Variants in TTC39B observed in about 807,000 individuals in gnomAD.
The protein encoded by TTC39B is tetratricopeptide repeat protein 39B.
TTC39B carries 92 observed loss-of-function variants against 96.6 expected under a neutral mutation model. That is an observed-to-expected ratio of 0.95 (90% CI 0.80 to 1.13). The LOEUF (loss-of-function observed/expected upper bound fraction) is 1.13. Among genes scored for constraint, TTC39B ranks in the 50% most tolerant of loss-of-function variants. The pLI, the probability that TTC39B is intolerant of heterozygous loss-of-function variation, is 0.00. For missense variants in TTC39B, 955 were observed against 809.3 expected, an observed-to-expected ratio of 1.18 and a Z score of -2.18; for synonymous variants, 367 against 299.4, an observed-to-expected ratio of 1.23 and a Z score of -2.33.
chr9:15,222,035 A>G (rs1447396214), intron 3 of TTC39B, among the ~76,000 whole-genome samples: 1 of 152,248 alleles, frequency 6.6e-6, no homozygotes. Context: ...GAAGCAAGAA[A>G]GAGTAACGTA....
At chr9:15,293,328 A>G (rs1824257119) in intron 1 of TTC39B, among the ~76,000 whole-genome samples, 1 of 152,170 alleles carries the variant, frequency 6.6e-6, no homozygotes, top group Non-Finnish European at 1.5e-5. Flanking sequence ...TTTCTCAGAG[A>G]GCATATACTC....
chr9:15,217,889 C>A (rs745795766), intron 3 of TTC39B, among the ~76,000 whole-genome samples: 5 of 152,066 alleles, frequency 3.3e-5, no homozygotes, highest in Non-Finnish European at 5.9e-5. Flanking sequence ...CCAACCAGAC[C>A]GGAATGATGA....
At chr9:15,248,226 T>C (rs1167402186) in intron 2 of TTC39B, among the ~76,000 whole-genome samples, 1 of 152,180 alleles carries the variant, frequency 6.6e-6, no homozygotes, top group African/African-American at 2.4e-5. Flanking sequence ...ACTAAGACTA[T>C]GAGCTCCTCC....
chr9:15,196,818 T>C (rs1015034055), intron 8 of TTC39B, among the ~76,000 whole-genome samples: 6 of 152,218 alleles, frequency 3.9e-5, no homozygotes, highest in Non-Finnish European at 7.3e-5. Flanking sequence ...TCAAGTGGTA[T>C]TGCATGCTAT....
At chr9:15,227,026 A>C (rs185953623) in intron 2 of TTC39B, among the ~76,000 whole-genome samples, 1 of 152,072 alleles carries the variant, frequency 6.6e-6, no homozygotes. Context: ...TAAGATGTAC[A>C]ATGGGTGCAG....
At chr9:15,230,873 T>C (rs1821382961) in intron 2 of TTC39B, among the ~76,000 whole-genome samples, 1 of 152,008 alleles carries the variant, frequency 6.6e-6, no homozygotes, top group Non-Finnish European at 1.5e-5. Flanking sequence ...TAATTCCAGC[T>C]ACTCGGGAGG....
At chr9:15,199,029 C>G (rs113327854) in intron 8 of TTC39B, among the ~76,000 whole-genome samples, 4 of 152,234 alleles carry the variant, frequency 2.6e-5, no homozygotes, top group African/African-American at 7.2e-5. Context: ...AGCCTAACAA[C>G]AGAGCTCCTA....
chr9:15,273,354 T>G (rs1259011924), intron 1 of TTC39B, among the ~76,000 whole-genome samples: 1 of 152,116 alleles, frequency 6.6e-6, no homozygotes, highest in Non-Finnish European at 1.5e-5. Context: ...GTGACAAATA[T>G]TACTGCAAGA....
intron 8 of TTC39B, among the ~76,000 whole-genome samples, chr9:15,198,431 T>A (rs544020653): frequency 6.7e-6 from 1 of 148,656 alleles, no homozygotes. Context: ...CACTCCAGCC[T>A]GGGCAACAAA....
At chr9:15,237,239 C>T (rs182034835) in intron 2 of TTC39B, among the ~76,000 whole-genome samples, 14 of 152,196 alleles carry the variant, frequency 9.2e-5, no homozygotes, top group East Asian at 3.9e-4. Context: ...TACTTGAACC[C>T]GGGAGGCGGA....
Position 15,173,676 on chromosome 9 carries a change from A to C in TTC39B, c.1958+1343T>G, listed in dbSNP as rs151260942. On this transcript the variant is annotated intron_variant, in intron 19 of 19. Transcript: ENST00000512701. ...TTGTGCTAGACCTCTTTCTCTAGCT[A>C]TATAACATTCACAAAATGACTTCAT... 3.2e-3 allele frequency among the ~76,000 whole-genome samples: 486 copies of C among 152,282 alleles called. 2 individuals carry two copies. Among genetic ancestry groups the C allele is most frequent in the Non-Finnish European group, 4.3e-3 (294 of 68,018 alleles).
intron 15 of TTC39B, among the ~76,000 whole-genome samples, chr9:15,186,022 T>C (rs1245687130): frequency 6.6e-6 from 1 of 152,172 alleles, no homozygotes; most frequent in Non-Finnish European, 1.5e-5. Flanking sequence ...AATTATGAAA[T>C]TCATAAGCAG....
intron 2 of TTC39B, among the ~76,000 whole-genome samples, chr9:15,233,404 G>A (rs888282016): frequency 3.3e-5 from 5 of 152,208 alleles, no homozygotes; most frequent in South Asian, 2.1e-4. Context: ...CTCTGATGCC[G>A]AGCCGAAGCT....
intron 1 of TTC39B, among the ~76,000 whole-genome samples, chr9:15,302,307 C>T (rs942697551): frequency 6.7e-6 from 1 of 150,082 alleles, no homozygotes; most frequent in Non-Finnish European, 1.5e-5. Flanking sequence ...GCTTGGGTGA[C>T]CAAGCAAGAC....
intron 2 of TTC39B, among the ~76,000 whole-genome samples, chr9:15,267,669 AATAC>A (rs1410667910): frequency 1.4e-4 from 22 of 152,358 alleles, no homozygotes; most frequent in African/African-American, 3.8e-4. Context: ...GCTATAAACA[AATAC>A]TTTGTTGAGA....
intron 2 of TTC39B, among the ~76,000 whole-genome samples, chr9:15,242,109 G>A (rs1564380686): frequency 6.6e-6 from 1 of 152,252 alleles, no homozygotes; most frequent in East Asian, 1.9e-4. Context: ...ATAAAGGCAG[G>A]ATTGTATCGC....
chr9:15,240,306 G>C (rs1564379212), intron 2 of TTC39B, among the ~76,000 whole-genome samples: 1 of 152,138 alleles, frequency 6.6e-6, no homozygotes, highest in African/African-American at 2.4e-5. Flanking sequence ...GCTGAAAAAG[G>C]CCAAAGGGCA....
chr9:15,244,150 A>C (rs1048577988), intron 2 of TTC39B, among the ~76,000 whole-genome samples: 1 of 152,264 alleles, frequency 6.6e-6, no homozygotes, highest in Non-Finnish European at 1.5e-5. Flanking sequence ...GGCAAGAGAT[A>C]GGCACAGCTC....
At chr9:15,217,036 G>T (rs777506066) in intron 3 of TTC39B, among the ~76,000 whole-genome samples, 4 of 152,178 alleles carry the variant, frequency 2.6e-5, no homozygotes, top group African/African-American at 4.8e-5. Context: ...TGGAGCCAGC[G>T]ATGGGAATAT....
Sources: allele counts gnomAD v4.1 joint callset (sites outside exome capture counted in the v4.1 genomes callset), GRCh38; gene constraint gnomAD v4.1.1; transcripts MANE v1.5; gene names NCBI Gene and HGNC (gene_info 2026-07-23, HGNC 2026-07-21).